The following PRDM10 variants were observed in gnomAD, a reference collection of about 807,000 sequenced individuals.
The protein encoded by PRDM10 is PR domain zinc finger protein 10.
Under a neutral mutation model 133.1 loss-of-function variants are expected in PRDM10, and 65 were observed. That is an observed-to-expected ratio of 0.49 (90% CI 0.40 to 0.60). The LOEUF (loss-of-function observed/expected upper bound fraction) is 0.60, where lower values mean the gene tolerates loss of function less well. PRDM10 is among the 20% of genes least tolerant of loss of function. PRDM10 has a pLI of 0.00. For missense variants in PRDM10, 1,137 were observed against 1,507.1 expected (o/e 0.75, Z 4.07); for synonymous variants, 582 against 580.4 (o/e 1.00, Z -0.04).
At chr11:129,999,548 T>C (rs561488629) in intron 1 of PRDM10, among the ~76,000 whole-genome samples, 1 of 152,340 alleles carries the variant, frequency 6.6e-6, no homozygotes, top group East Asian at 1.9e-4. Flanking sequence ...AGTACATCAG[T>C]GTTCAAGTTT....
At chr11:129,906,467 G>T (rs964026001) in intron 19 of PRDM10, among the ~76,000 whole-genome samples, 20 of 152,112 alleles carry the variant, frequency 1.3e-4, no homozygotes, top group African/African-American at 4.8e-4. Flanking sequence ...AAATCCAGGG[G>T]TCCATAACCA....
At position 129,945,294 on chromosome 11, in the gene PRDM10, A is replaced by G. The variant is rs1328982554; in HGVS notation, c.521-282T>C. 6.6e-6 allele frequency among the ~76,000 whole-genome samples: 1 copy of G among 152,188 alleles called. No homozygotes were observed. Among genetic ancestry groups the G allele is most frequent in the Non-Finnish European group, 1.5e-5 (1 of 68,034 alleles). On this transcript the variant is annotated intron_variant, in intron 5 of 20. Coordinates refer to ENST00000360871, the MANE Select transcript of PRDM10 (RefSeq NM_199437.2). This position sits in a 1 kb window ranked among gnomAD's most constrained non-coding sequence, Gnocchi z 4.2. The stretch of plus-strand genomic sequence containing the variant: ...CTGGAGAGTCCTTTGAATAGTGGCC[A>G]CTAAATTTACAAATCAATTACAACA...
intron 1 of PRDM10, among the ~76,000 whole-genome samples, chr11:129,978,787 AG>A (rs2135963501): frequency 6.6e-6 from 1 of 152,326 alleles, no homozygotes; most frequent in East Asian, 1.9e-4. Flanking sequence ...GCCTCCAAGT[AG>A]GCACGCAAGC....
intron 1 of PRDM10, among the ~76,000 whole-genome samples, chr11:129,990,238 C>G (rs1450053242): frequency 6.6e-6 from 1 of 151,626 alleles, no homozygotes; most frequent in African/African-American, 2.4e-5. Context: ...CCCAGCTACT[C>G]GGGAGGCTGA....
chr11:129,952,863 C>G (rs1003427780), intron 4 of PRDM10, among the ~76,000 whole-genome samples: 2 of 152,170 alleles, frequency 1.3e-5, no homozygotes, highest in African/African-American at 4.8e-5. Flanking sequence ...TACCTACTTC[C>G]TCCCTCATTG....
chr11:129,944,662 A>G, intron 6 of PRDM10, 109 bp downstream of exon 6: 1 of 1,429,048 alleles, frequency 7.0e-7, no homozygotes, highest in Non-Finnish European at 9.5e-7. Context: ...AAAGAAGAAT[A>G]CTAGCAAACA....
At chr11:129,963,178 T>C (rs1951829291) in intron 1 of PRDM10, among the ~76,000 whole-genome samples, 1 of 149,806 alleles carries the variant, frequency 6.7e-6, no homozygotes. Flanking sequence ...GGAATAAATG[T>C]CACCAATCAT....
chr11:129,903,156 G>T (rs965371037), intron 20 of PRDM10, among the ~76,000 whole-genome samples: 6 of 151,932 alleles, frequency 3.9e-5, no homozygotes, highest in Admixed American at 1.3e-4. Flanking sequence ...AAATTAGCCG[G>T]GCGTGGTGGT....
Position 129,944,532 on chromosome 11 carries a change from C to G in PRDM10, c.762+239G>C, listed in dbSNP as rs529898708. Among the ~76,000 whole-genome samples, 33 of 151,520 alleles carry G rather than the reference C, an allele frequency of 2.2e-4. 1 individual carries two copies. In the South Asian group the frequency reaches 6.9e-3, roughly 32 times the overall value. On this transcript the variant is annotated intron_variant, in intron 6 of 20. Transcript: ENST00000360871. ...CCCGGAAGGCGGAGCTTGCAGTGAG[C>G]CGAGATCGCGCCACTGCACTCCAGC...
chr11:129,922,669 ATTGTT>A (rs1950551712), intron 13 of PRDM10, among the ~76,000 whole-genome samples: 1 of 152,122 alleles, frequency 6.6e-6, no homozygotes, highest in Non-Finnish European at 1.5e-5. Context: ...AGCATATTTC[ATTGTT>A]TTTACATTTA....
At chr11:129,933,724 A>G (rs1950940340) in intron 9 of PRDM10, among the ~76,000 whole-genome samples, 1 of 152,168 alleles carries the variant, frequency 6.6e-6, no homozygotes, top group Admixed American at 6.5e-5. Flanking sequence ...ATCACAATAT[A>G]ATATAAAAAA....
In PRDM10 at chr11:129,977,255, T is replaced by TACACACACACACACACAC. The variant is rs71057991; in HGVS notation, c.-118-16191_-118-16174dup. Among the ~76,000 whole-genome samples, 5 of 132,488 alleles carry TACACACACACACACACAC rather than the reference T, an allele frequency of 3.8e-5. No homozygotes were observed. The East Asian group carries it at 6.8e-4, about 18-fold the overall frequency. The allele number at this position is 132,488 out of a possible 152,430, so 86.9% of individuals were successfully genotyped here. ...TTGGAGCAGAATAACATGACTAAAA[T>TACACACACACACACACAC]ACACACACACACACACACACACACA... On this transcript the variant is annotated intron_variant, in intron 1 of 20. Transcript: ENST00000360871.
At chr11:129,948,193 A>T in intron 4 of PRDM10, 1 of 419,904 alleles carries the variant, frequency 2.4e-6, no homozygotes, top group East Asian at 7.0e-5. Context: ...TGGTACCTTA[A>T]AAAGTTCTCC....
intron 4 of PRDM10, chr11:129,948,023 T>A (rs1267168234): frequency 2.2e-6 from 1 of 456,228 alleles, no homozygotes; most frequent in Admixed American, 2.4e-5. Context: ...GCTCTCCTTT[T>A]AAACAGCTCA....
At chr11:129,997,373 G>C (rs1005603764) in intron 1 of PRDM10, among the ~76,000 whole-genome samples, 66 of 150,454 alleles carry the variant, frequency 4.4e-4, no homozygotes, top group African/African-American at 1.5e-3. Flanking sequence ...CCAGCTACTT[G>C]GGAGGCCGAG....
In PRDM10 at chr11:129,901,481, A is replaced by T. The variant is rs538168920; in HGVS notation, c.*832T>A. Reference sequence around the variant, plus strand: ...TCTCTCTCTCTCTCAATAGTTTTGGAAATTTTTCTTGGTACCAATATCTCC... The same window carrying T: ...TCTCTCTCTCTCTCAATAGTTTTGGTAATTTTTCTTGGTACCAATATCTCC... On this transcript the variant is annotated 3_prime_UTR_variant, in exon 21 of 21. Transcript: ENST00000360871. 4.6e-5 allele frequency: 7 copies of T among 152,336 alleles called. No homozygotes were observed. The East Asian group carries it at 1.3e-3, about 29-fold the overall frequency. 9.4% of individuals were successfully genotyped at this position (152,336 alleles called of 1,614,324 possible). A position where few individuals can be genotyped will look rare whatever the true frequency, so the allele number is the denominator to read the frequency against.
intron 1 of PRDM10, among the ~76,000 whole-genome samples, chr11:129,999,808 G>A (rs1201037684): frequency 6.6e-6 from 1 of 151,924 alleles, no homozygotes; most frequent in Non-Finnish European, 1.5e-5. Flanking sequence ...CTTTTAGTTC[G>A]GCGGACTTCA....
intron 10 of PRDM10, 80 bp from the exon 11 acceptor site, chr11:129,931,338 G>A: frequency 5.4e-6 from 8 of 1,491,052 alleles, no homozygotes; most frequent in Non-Finnish European, 7.2e-6. Context: ...GCTTATTTCA[G>A]AATGACTAGA....
intron 1 of PRDM10, among the ~76,000 whole-genome samples, chr11:129,991,905 C>T (rs567475881): frequency 6.6e-6 from 1 of 150,944 alleles, no homozygotes; most frequent in African/African-American, 2.4e-5. Flanking sequence ...ATCAGAGAAT[C>T]GCTTGAACCC....
Sources: allele counts gnomAD v4.1 joint callset (sites outside exome capture counted in the v4.1 genomes callset), GRCh38; gene constraint gnomAD v4.1.1; non-coding constraint Gnocchi (gnomAD v3.1); transcripts MANE v1.5; gene names NCBI Gene and HGNC (gene_info 2026-07-23, HGNC 2026-07-21).